The following GALNT18 variants were observed in gnomAD, a reference collection of about 807,000 sequenced individuals.
GALNT18 encodes GalNAc-transferase 18.
In GALNT18, 44 loss-of-function variants were observed where a neutral mutation model predicts 69.5. The ratio of observed to expected loss-of-function variants is 0.63; its 90% CI spans 0.50 to 0.81. GALNT18 has a LOEUF of 0.81. Ranked by LOEUF, GALNT18 falls within the 40% of genes least tolerant of loss-of-function variation. The pLI is 0.00. For missense variants in GALNT18, 715 were observed against 810.0 expected (o/e 0.88, Z 1.42); for synonymous variants, 364 against 318.2 (o/e 1.14, Z -1.53).
chr11:11,397,189 A>G (rs1854353652), intron 3 of GALNT18, among the ~76,000 whole-genome samples: 1 of 152,164 alleles, frequency 6.6e-6, no homozygotes, highest in African/African-American at 2.4e-5. Context: ...CCTATCACCC[A>G]CAAAGAATTG....
rs1859359484 is a variant in GALNT18 at position 11,591,425 on chromosome 11, C to T, written c.235+29934G>A. On this transcript the variant is annotated intron_variant, in intron 1 of 10. Transcript: ENST00000227756. The surrounding 1 kb of genome is among the most constrained non-coding windows in gnomAD (Gnocchi z 4.8). ...TCATGGTTGACTTTACTGGATGAGC[C>T]TCACTGCGTTCCTTCTCATCCATGT... Among the ~76,000 whole-genome samples, 1 of 152,160 alleles carries T rather than the reference C, an allele frequency of 6.6e-6. No homozygotes were observed. Among genetic ancestry groups the T allele is most frequent in the Non-Finnish European group, 1.5e-5 (1 of 68,038 alleles).
intron 9 of GALNT18, among the ~76,000 whole-genome samples, chr11:11,326,663 C>T (rs776955530): frequency 1.2e-4 from 18 of 152,134 alleles, no homozygotes; most frequent in Non-Finnish European, 1.8e-4. Flanking sequence ...ACTAAAGGGC[C>T]GAGCTGAAGA....
At chr11:11,283,747 A>G (rs1232775140) in intron 10 of GALNT18, among the ~76,000 whole-genome samples, 1 of 152,150 alleles carries the variant, frequency 6.6e-6, no homozygotes, top group Non-Finnish European at 1.5e-5. Context: ...ATCTGGAAAC[A>G]CACAATACTT....
intron 3 of GALNT18, among the ~76,000 whole-genome samples, chr11:11,420,410 G>T (rs955671590): frequency 6.6e-6 from 1 of 152,150 alleles, no homozygotes; most frequent in Non-Finnish European, 1.5e-5. Flanking sequence ...ACTCTCATCC[G>T]CATGCTCCAC....
chr11:11,410,921 T>C (rs1395514123), intron 3 of GALNT18, among the ~76,000 whole-genome samples: 1 of 152,136 alleles, frequency 6.6e-6, no homozygotes. Context: ...ACTGGCACCC[T>C]CCAAGACAGC....
intron 6 of GALNT18, among the ~76,000 whole-genome samples, chr11:11,348,473 G>A (rs553255820): frequency 7.9e-5 from 12 of 151,972 alleles, no homozygotes; most frequent in East Asian, 1.9e-4. Context: ...GGTTCAGGGC[G>A]TGCAACAGAG....
chr11:11,305,564 T>A (rs1053231214), intron 9 of GALNT18, among the ~76,000 whole-genome samples: 1 of 152,158 alleles, frequency 6.6e-6, no homozygotes, highest in Non-Finnish European at 1.5e-5. Flanking sequence ...TCGACTCAAG[T>A]CTCTGCCCCC....
In GALNT18 at chr11:11,621,723, T is replaced by G; in HGVS notation, c.-130A>C. ...CCTCAGCACCTGAGTCCCGAGGTTC[T>G]CCAAAGCCCGGTCCGCTGCCGGTGT... On this transcript the variant is annotated 5_prime_UTR_variant, in exon 1 of 11. Coordinates refer to ENST00000227756, the MANE Select transcript of GALNT18 (RefSeq NM_198516.3). This position sits in a 1 kb window ranked among gnomAD's most constrained non-coding sequence, Gnocchi z 9.3. 1.5e-6 allele frequency: 1 copy of G among 669,532 alleles called. No homozygotes were observed. The highest frequency in any genetic ancestry group is 1.9e-5 in the South Asian group (1 of 51,732). 41.5% of individuals were successfully genotyped at this position (669,532 alleles called of 1,614,324 possible).
intron 7 of GALNT18, among the ~76,000 whole-genome samples, chr11:11,335,266 G>A (rs984580486): frequency 2.0e-5 from 3 of 152,168 alleles, no homozygotes; most frequent in Non-Finnish European, 4.4e-5. Flanking sequence ...CTGCTAGGAA[G>A]CTCAAGAACT....
intron 1 of GALNT18, among the ~76,000 whole-genome samples, chr11:11,557,302 G>A (rs1858355295): frequency 6.6e-6 from 1 of 152,142 alleles, no homozygotes. Flanking sequence ...ATTGCTCTAA[G>A]GTAGTACCCG....
intron 3 of GALNT18, among the ~76,000 whole-genome samples, chr11:11,397,115 G>C (rs776208195): frequency 1.3e-5 from 2 of 152,118 alleles, no homozygotes; most frequent in Non-Finnish European, 2.9e-5. Context: ...ACCACCCATG[G>C]TTCTCCTAGG....
intron 3 of GALNT18, among the ~76,000 whole-genome samples, chr11:11,390,222 CTG>C (rs750520463): frequency 6.6e-6 from 1 of 152,200 alleles, no homozygotes; most frequent in African/African-American, 2.4e-5. Context: ...CTCTGCAAGA[CTG>C]TGTGCTCGTC....
chr11:11,517,190 T>C (rs1212058234), intron 1 of GALNT18, among the ~76,000 whole-genome samples: 1 of 152,232 alleles, frequency 6.6e-6, no homozygotes, highest in Non-Finnish European at 1.5e-5. Flanking sequence ...CTTTTGTTTA[T>C]AAGCCACCCA....
chr11:11,370,512 T>C (rs1047104555), intron 6 of GALNT18, among the ~76,000 whole-genome samples: 31 of 152,138 alleles, frequency 2.0e-4, no homozygotes, highest in Non-Finnish European at 2.8e-4. Context: ...GCTTGTTGGT[T>C]CTCTGTTTTA....
chr11:11,277,214 T>C (rs551284257), intron 10 of GALNT18, among the ~76,000 whole-genome samples: 7 of 152,352 alleles, frequency 4.6e-5, no homozygotes, highest in Admixed American at 3.3e-4. Context: ...ATTCAGAGAT[T>C]CAACTTCTTC....
chr11:11,324,569 A>G (rs1849886683), intron 9 of GALNT18, among the ~76,000 whole-genome samples: 2 of 152,166 alleles, frequency 1.3e-5, no homozygotes, highest in Non-Finnish European at 2.9e-5. Context: ...GCCAACATCT[A>G]TTGGTTTTTG....
At chr11:11,477,237 GC>G (rs1170418393) in intron 1 of GALNT18, among the ~76,000 whole-genome samples, 1 of 152,214 alleles carries the variant, frequency 6.6e-6, no homozygotes, top group Admixed American at 6.5e-5. Context: ...TAGGCATCCT[GC>G]CCAGGAAGGC....
chr11:11,436,389 A>G lies in GALNT18; in HGVS notation c.429-3602T>C, dbSNP rs989102410. ...ACATCCCCTTGCCACCATCGTGACT[A>G]TGTAGGGTGACAAGCTCATCCCAGT... On this transcript the variant is annotated intron_variant, in intron 2 of 10. Transcript: ENST00000227756. This position sits in a 1 kb window ranked among gnomAD's most constrained non-coding sequence, Gnocchi z 4.5. Among the ~76,000 whole-genome samples the G allele has an allele frequency of 6.6e-6, 1 of 151,888 alleles. No individual in the cohort carries two copies. The highest frequency in any genetic ancestry group is 2.4e-5 in the African/African-American group (1 of 41,338).
chr11:11,352,693 C>T (rs1328362765), intron 6 of GALNT18: 3 of 1,613,970 alleles, frequency 1.9e-6, no homozygotes, highest in Admixed American at 1.7e-5. Context: ...TAATCCAGGG[C>T]CTTCAGAATC....
Sources: gnomAD v4.1 joint callset for allele counts (sites outside exome capture counted in the v4.1 genomes callset) on GRCh38, gnomAD v4.1.1 for gene constraint, Gnocchi (gnomAD v3.1) non-coding constraint, MANE v1.5 for transcripts, NCBI Gene and HGNC (gene_info 2026-07-23, HGNC 2026-07-21) for gene names.